Variants in LMNTD1 observed in about 807,000 individuals in gnomAD.
The protein encoded by LMNTD1 is lamin tail domain containing 1.
In LMNTD1, 35 loss-of-function variants were observed where a neutral mutation model predicts 50.9. The ratio of observed to expected loss-of-function variants is 0.69; its 90% confidence interval spans 0.53 to 0.91. LMNTD1 has a LOEUF of 0.91. Among genes scored for constraint, LMNTD1 ranks in the 40% least tolerant of loss-of-function variants. LMNTD1 has a pLI of 0.00. For synonymous variants in LMNTD1, 153 were observed against 161.9 expected (o/e 0.94, Z 0.42); for missense variants, 470 against 475.5 (o/e 0.99, Z 0.11).
At chr12:25,516,057 T>C (rs1463418227) in intron 8 of LMNTD1, among the ~76,000 whole-genome samples, 1 of 152,186 alleles carries the variant, frequency 6.6e-6, no homozygotes, top group Non-Finnish European at 1.5e-5. Flanking sequence ...TGAAGAATCA[T>C]GTTACAAATC....
intron 9 of LMNTD1, among the ~76,000 whole-genome samples, chr12:25,492,774 C>T (rs1181392602): frequency 6.6e-6 from 1 of 152,290 alleles, no homozygotes; most frequent in Middle Eastern, 3.4e-3. Context: ...TCTCACTATC[C>T]TACATGCTGC....
At chr12:25,535,760 G>A (rs2136147688) in intron 4 of LMNTD1, among the ~76,000 whole-genome samples, 1 of 152,144 alleles carries the variant, frequency 6.6e-6, no homozygotes, top group Admixed American at 6.5e-5. Flanking sequence ...TAGTTTAAAT[G>A]CCCCAATGAA....
At chr12:25,522,311 G>A (rs7312085) in intron 6 of LMNTD1, among the ~76,000 whole-genome samples, 3,075 of 152,090 alleles carry the variant, frequency 0.02, 77 homozygotes, top group African/African-American at 0.058. Context: ...CCTTATTGAG[G>A]TGTGTGCCTT....
At chr12:25,608,894 T>C (rs1946181139) in intron 1 of LMNTD1, among the ~76,000 whole-genome samples, 1 of 152,244 alleles carries the variant, frequency 6.6e-6, no homozygotes, top group Admixed American at 6.5e-5. Flanking sequence ...GAAGTTCTCC[T>C]GGATGATATC....
intron 4 of LMNTD1, among the ~76,000 whole-genome samples, chr12:25,540,704 T>G (rs1469937072): frequency 7.0e-6 from 1 of 142,064 alleles, no homozygotes; most frequent in Non-Finnish European, 1.5e-5. Flanking sequence ...CTATTCAACA[T>G]AGTGTTGGAA....
At chr12:25,633,536 A>AAACCAT (rs1946763916) in intron 1 of LMNTD1, among the ~76,000 whole-genome samples, 1 of 152,188 alleles carries the variant, frequency 6.6e-6, no homozygotes, top group Non-Finnish European at 1.5e-5. Flanking sequence ...TTCAAAACCA[A>AAACCAT]GCAAACACAA....
chr12:25,574,319 A>G (rs770845363), intron 1 of LMNTD1, among the ~76,000 whole-genome samples: 4 of 151,976 alleles, frequency 2.6e-5, no homozygotes, highest in African/African-American at 4.8e-5. Flanking sequence ...AACCAAATTA[A>G]TCTGTGTGGT....
intron 1 of LMNTD1, among the ~76,000 whole-genome samples, chr12:25,631,435 C>A (rs532267762): frequency 6.6e-6 from 1 of 152,200 alleles, no homozygotes; most frequent in Non-Finnish European, 1.5e-5. Flanking sequence ...GCACTGGTAT[C>A]CACAGCTGAG....
At chr12:25,601,625 A>T (rs76064016) in intron 1 of LMNTD1, among the ~76,000 whole-genome samples, 6,079 of 151,736 alleles carry the variant, frequency 0.04, 414 homozygotes, top group African/African-American at 0.14. Flanking sequence ...TAAAATAAAA[A>T]TTTTTTTTAA....
chr12:25,521,199 C>A (rs1051427310), intron 6 of LMNTD1, among the ~76,000 whole-genome samples: 2 of 151,896 alleles, frequency 1.3e-5, no homozygotes, highest in African/African-American at 4.8e-5. Flanking sequence ...CTTTGCTGTG[C>A]AGAAGCTTTT....
At chr12:25,626,993 C>T (rs918551660) in intron 1 of LMNTD1, among the ~76,000 whole-genome samples, 1 of 152,156 alleles carries the variant, frequency 6.6e-6, no homozygotes, top group African/African-American at 2.4e-5. Context: ...ATCAGTAAGT[C>T]AGACAAAGAA....
chr12:25,597,634 A>G (rs553049886), intron 1 of LMNTD1, among the ~76,000 whole-genome samples: 7 of 152,284 alleles, frequency 4.6e-5, no homozygotes, highest in African/African-American at 1.4e-4. Flanking sequence ...GATATACACT[A>G]TAGGCCAAAA....
chr12:25,583,549 C>T (rs1945398315), intron 1 of LMNTD1, among the ~76,000 whole-genome samples: 2 of 152,190 alleles, frequency 1.3e-5, no homozygotes, highest in South Asian at 2.1e-4. Context: ...TATCATATCT[C>T]ATTCTTAAAT....
upstream of LMNTD1, among the ~76,000 whole-genome samples, chr12:25,557,689 C>G (rs1160520231): frequency 6.6e-6 from 1 of 152,158 alleles, no homozygotes; most frequent in Admixed American, 6.6e-5. Flanking sequence ...CAAACCAATA[C>G]ATTTATTTCA....
chr12:25,518,978 A>G lies in LMNTD1; in HGVS notation c.1017-11T>C, dbSNP rs1941024979. Reference sequence around the variant, plus strand: ...GGGATTTCCTTCTCTCTGTAAAAGAAAAAAGCCTAAATGGAACTCAAAAGC... The same window carrying G: ...GGGATTTCCTTCTCTCTGTAAAAGAGAAAAGCCTAAATGGAACTCAAAAGC... On this transcript the variant is annotated splice_polypyrimidine_tract_variant and intron_variant, in intron 7 of 9. Transcript: ENST00000458174. 6.2e-7 allele frequency: 1 copy of G among 1,613,694 alleles called. No individual in the cohort carries two copies. The highest frequency in any genetic ancestry group is 8.5e-7 in the Non-Finnish European group (1 of 1,179,762).
chr12:25,628,852 C>G (rs1031808341), intron 1 of LMNTD1, among the ~76,000 whole-genome samples: 1 of 152,102 alleles, frequency 6.6e-6, no homozygotes, highest in Non-Finnish European at 1.5e-5. Flanking sequence ...CTTCTGGACT[C>G]CAGAACTGTG....
chr12:25,556,460 T>C (rs1944048033), upstream of LMNTD1, among the ~76,000 whole-genome samples: 1 of 152,228 alleles, frequency 6.6e-6, no homozygotes, highest in South Asian at 2.1e-4. Flanking sequence ...TTGCTGTTTC[T>C]GCTTTACTCT....
intron 9 of LMNTD1, among the ~76,000 whole-genome samples, chr12:25,481,697 A>T (rs1283044336): frequency 6.6e-6 from 1 of 151,582 alleles, no homozygotes; most frequent in Admixed American, 6.6e-5. Flanking sequence ...GGCTGGATAG[A>T]CAACAGGCTA....
intron 8 of LMNTD1, among the ~76,000 whole-genome samples, chr12:25,504,515 A>G (rs1471496080): frequency 6.6e-6 from 1 of 150,958 alleles, no homozygotes; most frequent in African/African-American, 2.4e-5. Flanking sequence ...ATTCCTGTAA[A>G]ACAAAAGAGA....
Sources: gnomAD v4.1 joint callset for allele counts (sites outside exome capture counted in the v4.1 genomes callset) on GRCh38, gnomAD v4.1.1 for gene constraint, MANE v1.5 for transcripts, NCBI Gene and HGNC (gene_info 2026-07-23, HGNC 2026-07-21) for gene names.